The following CTNNA3 variants were observed in gnomAD, a reference collection of about 807,000 sequenced individuals.
CTNNA3 encodes the protein catenin alpha-3.
In CTNNA3, 76 loss-of-function variants were observed where a neutral mutation model predicts 95.7. The ratio of observed to expected loss-of-function variants is 0.79; its 90% CI spans 0.66 to 0.96. The LOEUF is 0.96. Among genes scored for constraint, CTNNA3 ranks in the 40% least tolerant of loss-of-function variants. The pLI is 0.00. For synonymous variants in CTNNA3, 431 were observed against 374.4 expected (o/e 1.15, Z -1.74); for missense variants, 1,191 against 1,089.8 (o/e 1.09, Z -1.31).
intron 3 of CTNNA3, among the ~76,000 whole-genome samples, chr10:67,544,004 C>T (rs989800617): frequency 1.3e-5 from 2 of 152,060 alleles, no homozygotes; most frequent in Non-Finnish European, 2.9e-5. Flanking sequence ...TAGGAGCAAA[C>T]ATGTTTTGTA....
chr10:67,206,592 AAAAC>A (rs1386337729), intron 6 of CTNNA3, among the ~76,000 whole-genome samples: 1 of 152,046 alleles, frequency 6.6e-6, no homozygotes, highest in Non-Finnish European at 1.5e-5. Flanking sequence ...GGGAGGAAGA[AAAAC>A]AAAGAACAGG....
chr10:67,126,982 C>T (rs913947044), intron 7 of CTNNA3, among the ~76,000 whole-genome samples: 1 of 152,166 alleles, frequency 6.6e-6, no homozygotes, highest in Non-Finnish European at 1.5e-5. Context: ...CAGAATTCTT[C>T]ACTGAATTCC....
rs956324933 is a variant in CTNNA3, at chr10:66,062,195, T to G, written c.2159+7113A>C. ...AGTACACAGTAAGCACTCATCAAAG[T>G]TTAGCTATCATTATGTCTTTTATTA... On this transcript the variant is annotated intron_variant, in intron 15 of 17. Transcript: ENST00000433211. Among the ~76,000 whole-genome samples the G allele has an allele frequency of 1.2e-4, 19 of 152,166 alleles. 1 individual carries two copies. The highest frequency in any genetic ancestry group is 1.1e-3 in the Admixed American group (17 of 15,252).
At chr10:66,937,108 G>A (rs1200574291) in intron 7 of CTNNA3, among the ~76,000 whole-genome samples, 2 of 151,968 alleles carry the variant, frequency 1.3e-5, no homozygotes, top group East Asian at 1.9e-4. Flanking sequence ...TCAGTGAATC[G>A]CCATTATACA....
At chr10:66,671,290 C>T (rs1366808834) in intron 9 of CTNNA3, among the ~76,000 whole-genome samples, 1 of 151,994 alleles carries the variant, frequency 6.6e-6, no homozygotes, top group Non-Finnish European at 1.5e-5. Flanking sequence ...GCTATTTGAT[C>T]CATATTAATT....
chr10:66,164,039 G>T (rs979149695), intron 13 of CTNNA3, among the ~76,000 whole-genome samples: 3 of 152,006 alleles, frequency 2.0e-5, no homozygotes, highest in Admixed American at 2.0e-4. Context: ...TCCTTAAGAG[G>T]GTTCATACTC....
At chr10:67,426,214 T>G (rs978163183) in intron 5 of CTNNA3, among the ~76,000 whole-genome samples, 26 of 152,076 alleles carry the variant, frequency 1.7e-4, no homozygotes, top group African/African-American at 5.1e-4. Context: ...TTATTATGAC[T>G]TTATCCTCCT....
At chr10:67,152,332 T>C (rs1222762208) in intron 7 of CTNNA3, among the ~76,000 whole-genome samples, 1 of 152,218 alleles carries the variant, frequency 6.6e-6, no homozygotes, top group Non-Finnish European at 1.5e-5. Flanking sequence ...CTTTTTTGTA[T>C]TTAAGAAATA....
At chr10:67,251,011 C>T (rs901700913) in intron 5 of CTNNA3, among the ~76,000 whole-genome samples, 1 of 152,136 alleles carries the variant, frequency 6.6e-6, no homozygotes, top group East Asian at 1.9e-4. Context: ...AAACATATGT[C>T]CACATAAAAA....
intron 7 of CTNNA3, among the ~76,000 whole-genome samples, chr10:67,164,865 T>C (rs1467400646): frequency 6.6e-6 from 1 of 152,080 alleles, no homozygotes; most frequent in Non-Finnish European, 1.5e-5. Flanking sequence ...AAATAAAAAA[T>C]AGTGAAAATA....
intron 6 of CTNNA3, among the ~76,000 whole-genome samples, chr10:67,202,426 T>C (rs756405134): frequency 3.9e-5 from 6 of 151,980 alleles, no homozygotes; most frequent in Non-Finnish European, 8.8e-5. Context: ...TACTATACTA[T>C]GATCCACACT....
chr10:67,713,381 C>T (rs1160441221), intron 1 of CTNNA3, among the ~76,000 whole-genome samples: 2 of 152,204 alleles, frequency 1.3e-5, no homozygotes, highest in African/African-American at 4.8e-5. Context: ...TGTGGTGATT[C>T]CTCAAGGATC....
chr10:67,601,609 A>G (rs565846723), intron 3 of CTNNA3, among the ~76,000 whole-genome samples: 1 of 152,340 alleles, frequency 6.6e-6, no homozygotes, highest in South Asian at 2.1e-4. Flanking sequence ...ATATAAAGGT[A>G]GTATATATGC....
intron 12 of CTNNA3, among the ~76,000 whole-genome samples, chr10:66,309,905 AAAAATAAATAAATAAAT>A (rs2091989183): frequency 8.4e-6 from 1 of 118,994 alleles, no homozygotes; most frequent in Non-Finnish European, 1.7e-5. Context: ...CAAAGATACA[AAAAATAAATAAATAAAT>A]AAATAAATAA....
chr10:66,000,109 T>G (rs1460593485), intron 15 of CTNNA3, among the ~76,000 whole-genome samples: 2 of 152,130 alleles, frequency 1.3e-5, no homozygotes, highest in Non-Finnish European at 2.9e-5. Flanking sequence ...TTTAAAACAT[T>G]ATGGGTTAGA....
chr10:67,056,342 TG>T (rs1855427995), intron 7 of CTNNA3, among the ~76,000 whole-genome samples: 1 of 152,192 alleles, frequency 6.6e-6, no homozygotes, highest in African/African-American at 2.4e-5. Flanking sequence ...GTTACTTCTA[TG>T]CATAATTGGT....
At chr10:66,711,990 C>A (rs1208414016) in intron 9 of CTNNA3, among the ~76,000 whole-genome samples, 1 of 152,092 alleles carries the variant, frequency 6.6e-6, no homozygotes, top group Admixed American at 6.6e-5. Context: ...TCTGACTGCT[C>A]CCATTTTTGC....
At chr10:66,114,750 G>A (rs1044684765) in intron 13 of CTNNA3, among the ~76,000 whole-genome samples, 2 of 151,196 alleles carry the variant, frequency 1.3e-5, no homozygotes, top group African/African-American at 4.9e-5. Context: ...GTGGTGGCAC[G>A]TGCCTGTAAT....
chr10:67,271,469 C>A (rs542877201), intron 5 of CTNNA3, among the ~76,000 whole-genome samples: 3 of 152,254 alleles, frequency 2.0e-5, no homozygotes, highest in South Asian at 4.1e-4. Flanking sequence ...GAGGCCTCTC[C>A]AGCAATGTGG....
Sources: allele counts gnomAD v4.1 joint callset (sites outside exome capture counted in the v4.1 genomes callset), GRCh38; gene constraint gnomAD v4.1.1; transcripts MANE v1.5; gene names NCBI Gene and HGNC (gene_info 2026-07-23, HGNC 2026-07-21).